The following THSD4 variants were observed in gnomAD, a reference collection of about 807,000 sequenced individuals.
THSD4 encodes the protein thrombospondin type 1 domain containing 4.
In THSD4, 69 loss-of-function variants were observed where a neutral mutation model predicts 119.0. That is an observed-to-expected ratio of 0.58 (90% CI 0.48 to 0.71). THSD4 has a LOEUF of 0.71. Ranked by LOEUF, THSD4 falls within the 30% of genes least tolerant of loss-of-function variation. THSD4 has a pLI of 0.00. For missense variants in THSD4, 1,393 were observed against 1,391.1 expected (o/e 1.00, Z -0.02); for synonymous variants, 524 against 540.4 (o/e 0.97, Z 0.42).
At chr15:71,263,868 A>AGG (rs2044432760) in intron 6 of THSD4, among the ~76,000 whole-genome samples, 1 of 152,252 alleles carries the variant, frequency 6.6e-6, no homozygotes. Flanking sequence ...ACTAGCAGGC[A>AGG]GGAAGCTCCA....
chr15:71,711,230 G>A (rs1484679741), intron 8 of THSD4, among the ~76,000 whole-genome samples: 2 of 151,564 alleles, frequency 1.3e-5, no homozygotes, highest in Non-Finnish European at 2.9e-5. Flanking sequence ...TTGAAAATAG[G>A]CTTTATTTTT....
intron 6 of THSD4, among the ~76,000 whole-genome samples, chr15:71,380,900 AT>A (rs1412457965): frequency 1.3e-5 from 2 of 152,078 alleles, no homozygotes; most frequent in African/African-American, 4.8e-5. Flanking sequence ...CCTTTCTCTT[AT>A]GGGAAAGGAA....
intron 8 of THSD4, among the ~76,000 whole-genome samples, chr15:71,674,499 G>A (rs549432528): frequency 2.6e-4 from 39 of 152,254 alleles, no homozygotes; most frequent in Non-Finnish European, 4.0e-4. Flanking sequence ...GCTGCACATT[G>A]CACTCATGGG....
At chr15:71,283,038 C>T (rs544921571) in intron 6 of THSD4, among the ~76,000 whole-genome samples, 3 of 148,776 alleles carry the variant, frequency 2.0e-5, no homozygotes, top group East Asian at 2.0e-4. Flanking sequence ...GGCACAATCT[C>T]GGCTCACTGC....
In THSD4 at chr15:71,275,371, T is replaced by C. The variant is rs148394944; in HGVS notation, c.1015+18656T>C. ...TCTGTCTTAATCTCTTGTAGCACAGTTCTCTCACTCTCCGAGCAGAGGTCA... is the reference window on the plus strand; with the variant it reads ...TCTGTCTTAATCTCTTGTAGCACAGCTCTCTCACTCTCCGAGCAGAGGTCA... On this transcript the variant is annotated intron_variant, in intron 6 of 17. Transcript: ENST00000261862. Among the ~76,000 whole-genome samples, 286 of 152,324 alleles carry C rather than the reference T, an allele frequency of 1.9e-3. 3 individuals are homozygous for C. The highest frequency in any genetic ancestry group is 0.014 in the Admixed American group (218 of 15,298).
chr15:71,327,153 C>T (rs988036348), intron 6 of THSD4, among the ~76,000 whole-genome samples: 4 of 151,990 alleles, frequency 2.6e-5, no homozygotes, highest in East Asian at 1.9e-4. Context: ...GGTGGCTGAG[C>T]GAGACTCCAT....
chr15:71,243,114 A>G lies in THSD4; in HGVS notation c.912+18A>G, dbSNP rs780758724. ...ACACCAACGTGAGTACACACAACCCATACCGGGCCTGGAAACAGCTGCCCC... is the reference window on the plus strand; with the variant it reads ...ACACCAACGTGAGTACACACAACCCGTACCGGGCCTGGAAACAGCTGCCCC... On this transcript the variant is annotated intron_variant, in intron 5 of 17. Coordinates refer to ENST00000261862, the MANE Select transcript of THSD4 (RefSeq NM_024817.3). 1 of 1,588,762 alleles carries G rather than the reference A, an allele frequency of 6.3e-7. No individual in the cohort carries two copies. The highest frequency in any genetic ancestry group is 1.4e-5 in the African/African-American group (1 of 74,058).
At chr15:71,702,039 T>G (rs2052300555) in intron 8 of THSD4, among the ~76,000 whole-genome samples, 1 of 152,222 alleles carries the variant, frequency 6.6e-6, no homozygotes, top group African/African-American at 2.4e-5. Context: ...CCAGGCCTCC[T>G]CTCCATCTGA....
chr15:71,180,171 TAAA>T lies in THSD4; in HGVS notation c.99+25250_99+25252del, dbSNP rs61126896. On this transcript the variant is annotated intron_variant, in intron 3 of 17. Coordinates refer to ENST00000261862, the MANE Select transcript of THSD4 (RefSeq NM_024817.3). ...AAAAAAACATTAAAAAAAAAAAAAA[TAAA>T]AAAAAAAAAAGACACTATCAACAGA... 3.1e-3 allele frequency among the ~76,000 whole-genome samples: 433 copies of T among 141,310 alleles called. 3 individuals carry two copies. The highest frequency in any genetic ancestry group is 0.011 in the Middle Eastern group (3 of 276). The allele number at this position is 141,310 out of a possible 152,430, so 92.7% of individuals were successfully genotyped here.
intron 3 of THSD4, among the ~76,000 whole-genome samples, chr15:71,166,670 A>C (rs964475398): frequency 1.3e-5 from 2 of 152,124 alleles, no homozygotes; most frequent in Admixed American, 6.5e-5. Flanking sequence ...TCCATGCTCT[A>C]TAGAAATTTT....
chr15:71,531,539 G>C (rs2048609930), intron 7 of THSD4, among the ~76,000 whole-genome samples: 1 of 152,186 alleles, frequency 6.6e-6, no homozygotes, highest in African/African-American at 2.4e-5. Flanking sequence ...TGTGGAGACA[G>C]ACGCCCTGGG....
chr15:71,376,380 G>A (rs2046137027), intron 6 of THSD4, among the ~76,000 whole-genome samples: 1 of 152,098 alleles, frequency 6.6e-6, no homozygotes, highest in African/African-American at 2.4e-5. Flanking sequence ...TTCTTACCAT[G>A]ATTGAGTCTC....
intron 7 of THSD4, among the ~76,000 whole-genome samples, chr15:71,620,516 G>T (rs144923337): frequency 2.7e-3 from 405 of 152,190 alleles, no homozygotes; most frequent in Admixed American, 6.3e-3. Context: ...GAGACAGGAG[G>T]ATCACTTGAG....
intron 6 of THSD4, among the ~76,000 whole-genome samples, chr15:71,311,581 T>C (rs749372285): frequency 6.6e-6 from 1 of 152,210 alleles, no homozygotes; most frequent in Non-Finnish European, 1.5e-5. Flanking sequence ...TTTCTAACTG[T>C]GCACTGATCC....
rs933538262 is a variant in THSD4, at chr15:71,778,632, G to A, written c.*1258G>A. ...GAAAAAGTCTCTTTCTGGTCTTTCT[G>A]GTTTTGTTTATGAATTTCCCTCTGT... On this transcript the variant is annotated 3_prime_UTR_variant, in exon 18 of 18. Coordinates refer to ENST00000261862, the MANE Select transcript of THSD4 (RefSeq NM_024817.3). The A allele has an allele frequency of 1.3e-5, 2 of 152,426 alleles. No homozygotes were observed. The highest frequency in any genetic ancestry group is 4.8e-5 in the African/African-American group (2 of 41,432). 9.4% of individuals were successfully genotyped at this position (152,426 alleles called of 1,614,324 possible).
At chr15:71,146,153 C>A (rs2141375372) in intron 2 of THSD4, among the ~76,000 whole-genome samples, 1 of 152,120 alleles carries the variant, frequency 6.6e-6, no homozygotes, top group South Asian at 2.1e-4. Flanking sequence ...AAACAAATAA[C>A]ACACACACAC....
intron 6 of THSD4, among the ~76,000 whole-genome samples, chr15:71,371,726 T>G (rs185274627): frequency 7.7e-4 from 117 of 152,318 alleles, no homozygotes; most frequent in African/African-American, 2.7e-3. Flanking sequence ...TTCCTTCCTT[T>G]CAACTTTGGT....
chr15:71,225,496 G>A (rs139506408), intron 4 of THSD4, among the ~76,000 whole-genome samples: 1 of 151,302 alleles, frequency 6.6e-6, no homozygotes, highest in East Asian at 1.9e-4. Flanking sequence ...AATGAGAAGA[G>A]AAGGTGACTA....
At chr15:71,565,340 A>G (rs2049213159) in intron 7 of THSD4, among the ~76,000 whole-genome samples, 1 of 152,224 alleles carries the variant, frequency 6.6e-6, no homozygotes, top group South Asian at 2.1e-4. Context: ...TTATATATGC[A>G]TCACAGATGT....
Sources: gnomAD v4.1 joint callset for allele counts (sites outside exome capture counted in the v4.1 genomes callset) on GRCh38, gnomAD v4.1.1 for gene constraint, MANE v1.5 for transcripts, NCBI Gene and HGNC (gene_info 2026-07-23, HGNC 2026-07-21) for gene names.